Variants in COL4A2 observed in about 807,000 individuals in gnomAD.
The protein encoded by COL4A2 is collagen type IV alpha 2 chain.
A neutral mutation model predicts 200.2 loss-of-function variants in COL4A2; 99 were observed. That is an observed-to-expected ratio of 0.49 (90% CI 0.42 to 0.58). The LOEUF (loss-of-function observed/expected upper bound fraction) is 0.58, where lower values mean the gene tolerates loss of function less well. Ranked by LOEUF, COL4A2 falls within the 20% of genes least tolerant of loss-of-function variation. COL4A2 has a pLI of 0.00. For synonymous variants in COL4A2, 897 were observed against 900.6 expected (o/e 1.00, Z 0.07); for missense variants, 1,950 against 2,314.1 (o/e 0.84, Z 3.23).
intron 4 of COL4A2, among the ~76,000 whole-genome samples, chr13:110,403,030 C>T (rs910454695): frequency 3.9e-5 from 6 of 152,186 alleles, no homozygotes; most frequent in South Asian, 4.1e-4. Flanking sequence ...ATTGTTCTGG[C>T]CCCAGGGTCC....
intron 47 of COL4A2, among the ~76,000 whole-genome samples, chr13:110,510,194 C>G (rs530930062): frequency 3.9e-5 from 6 of 152,342 alleles, no homozygotes; most frequent in South Asian, 2.1e-4. Flanking sequence ...CCTGGCTCAC[C>G]CTTCTTTTGT....
intron 3 of COL4A2, among the ~76,000 whole-genome samples, chr13:110,318,157 T>C (rs2139348103): frequency 6.6e-6 from 1 of 152,268 alleles, no homozygotes; most frequent in Non-Finnish European, 1.5e-5. Flanking sequence ...GAAAACTATG[T>C]CCCAGGGTCT....
chr13:110,480,417 C>G, intron 31 of COL4A2, 27 bp downstream of exon 31: 2 of 1,592,834 alleles, frequency 1.3e-6, no homozygotes, highest in Non-Finnish European at 1.7e-6. Context: ...GACCAGGGAT[C>G]CCTTGGCGGG....
intron 4 of COL4A2, among the ~76,000 whole-genome samples, chr13:110,409,237 C>G (rs1224987603): frequency 6.6e-6 from 1 of 152,176 alleles, no homozygotes; most frequent in Non-Finnish European, 1.5e-5. Context: ...AAAAATCTCA[C>G]AAGAACATCA....
Position 110,478,162 on chromosome 13 carries a change from A to T in COL4A2, c.2585A>T (p.Glu862Val), listed in dbSNP as rs781440001. Residue 862 changes from glutamate to valine, a missense_variant and splice_region_variant, in exon 30 of 48, where the codon GAA becomes GTA. Physicochemically the swap from Glu to Val is moderately radical, Grantham distance 121 (BLOSUM62 -2). Coordinates refer to ENST00000360467, the MANE Select transcript of COL4A2 (RefSeq NM_001846.4). ...GGGCTGCCAGGAATCCCAGGCCGTG[A>T]AGGTAAGACCCCAGCCCTCCCATAA... ...PLGLPGIPGREGLPGDRGDPG... is the reference protein window; with the variant it reads ...PLGLPGIPGRVGLPGDRGDPG... 2.5e-6 allele frequency: 4 copies of T among 1,589,102 alleles called. No individual in the cohort carries two copies. Among genetic ancestry groups the T allele is most frequent in the Non-Finnish European group, 2.6e-6 (3 of 1,167,456 alleles).
At chr13:110,420,813 G>A (rs1335609959) in intron 4 of COL4A2, among the ~76,000 whole-genome samples, 1 of 152,312 alleles carries the variant, frequency 6.6e-6, no homozygotes, top group East Asian at 1.9e-4. Flanking sequence ...GCTCCATCCT[G>A]ATGACCAAAG....
At chr13:110,463,570 A>G (rs1430874061) in intron 24 of COL4A2, among the ~76,000 whole-genome samples, 1 of 152,164 alleles carries the variant, frequency 6.6e-6, no homozygotes, top group Admixed American at 6.5e-5. Context: ...TCATGTCTGT[A>G]ATAACACTCT....
intron 3 of COL4A2, among the ~76,000 whole-genome samples, chr13:110,327,701 T>A (rs1194688921): frequency 6.6e-6 from 1 of 152,162 alleles, no homozygotes; most frequent in African/African-American, 2.4e-5. Flanking sequence ...CAGTGAAGCA[T>A]TAAAATCCCC....
intron 4 of COL4A2, among the ~76,000 whole-genome samples, chr13:110,367,960 C>T (rs1034898666): frequency 1.3e-5 from 2 of 152,202 alleles, no homozygotes; most frequent in African/African-American, 2.4e-5. Context: ...ATTGAATAAG[C>T]AGTCCAGAAA....
chr13:110,474,901 C>T (rs1297737610), intron 29 of COL4A2, among the ~76,000 whole-genome samples: 16 of 57,720 alleles, frequency 2.8e-4, no homozygotes, highest in East Asian at 5.3e-4. Context: ...TGCCTATGCA[C>T]ACTCACGATC....
rs922722829 is a variant in COL4A2 at position 110,430,714 on chromosome 13, A to G, written c.648+107A>G. On this transcript the variant is annotated intron_variant, in intron 10 of 47. Transcript: ENST00000360467. ...CCAGATGAGAGCTTTAAGAACAACT[A>G]TGATGCTTATAGGCGTAGCAGAGAA... 2.1e-6 allele frequency: 3 copies of G among 1,419,924 alleles called. No homozygotes were observed. The South Asian group carries it at 3.5e-5, about 16-fold the overall frequency. The allele number at this position is 1,419,924 out of a possible 1,614,324, so 88.0% of individuals were successfully genotyped here.
chr13:110,493,060 AACGATGAGTGACACCCCCATG>A, intron 38 of COL4A2, 130 bp from the exon 39 acceptor site: 2 of 875,136 alleles, frequency 2.3e-6, no homozygotes, highest in Non-Finnish European at 3.5e-6. Flanking sequence ...CAGGTGAAAT[AACGATGAGTGACACCCCCATG>A]GGTGAAATAA....
chr13:110,453,043 G>C (rs184600038), intron 20 of COL4A2, among the ~76,000 whole-genome samples: 365 of 152,210 alleles, frequency 2.4e-3, no homozygotes, highest in Non-Finnish European at 3.8e-3. Context: ...TGGGATTACA[G>C]GTATGAATCA....
intron 22 of COL4A2, among the ~76,000 whole-genome samples, chr13:110,461,428 C>G (rs1050092608): frequency 6.6e-6 from 1 of 152,272 alleles, no homozygotes; most frequent in African/African-American, 2.4e-5. Context: ...CACCATTGGG[C>G]AGAGCCCAGG....
chr13:110,337,078 G>T (rs1333373693), intron 3 of COL4A2, among the ~76,000 whole-genome samples: 1 of 152,200 alleles, frequency 6.6e-6, no homozygotes, highest in African/African-American at 2.4e-5. Flanking sequence ...AACAGACTGC[G>T]TTTATCTATG....
Position 110,457,443 on chromosome 13 carries a change from C to T in COL4A2, c.1432+8C>T. 1.3e-6 allele frequency: 2 copies of T among 1,538,190 alleles called. No homozygotes were observed. The highest frequency in any genetic ancestry group is 1.8e-6 in the Non-Finnish European group (2 of 1,110,814). On this transcript the variant is annotated splice_region_variant and intron_variant, in intron 21 of 47. Transcript: ENST00000360467. ...GACCAAAGGGGTGGAAAGGTAAGAA[C>T]ATCTGGGAGGGACGGGATGAGGACA...
rs762520174 is a variant in COL4A2, at chr13:110,511,921, CCT to C, written c.4882-8_4882-7del. On this transcript the variant is annotated splice_polypyrimidine_tract_variant and intron_variant, in intron 47 of 47. Coordinates refer to ENST00000360467, the MANE Select transcript of COL4A2 (RefSeq NM_001846.4). The stretch of plus-strand genomic sequence containing the variant: ...GTGATTCCTAACCCTGTCCTGCCCC[CCT>C]CTCTGTGCAGCACACGGCGGCGGGA... 9 of 1,613,356 alleles carry C rather than the reference CCT, an allele frequency of 5.6e-6. No homozygotes were observed. Among genetic ancestry groups the C allele is most frequent in the Non-Finnish European group, 5.9e-6 (7 of 1,180,000 alleles).
Position 110,462,292 on chromosome 13 carries a change from C to T in COL4A2, c.1684C>T (p.Pro562Ser). 6.2e-7 allele frequency: 1 copy of T among 1,614,230 alleles called. No individual in the cohort carries two copies. The highest frequency in any genetic ancestry group is 8.5e-7 in the Non-Finnish European group (1 of 1,180,040). ...TCCCTTTCTAGGTGAGCGGGGACAG[C>T]CCGGCGTCCCAGGTGTGCCCGGGAT... Reference protein sequence around the residue: ...TITTKGERGQPGVPGVPGMKG... With the variant: ...TITTKGERGQSGVPGVPGMKG... Residue 562 changes from proline (P) to serine (S), a missense_variant, in exon 24 of 48, where the codon CCC becomes TCC. Physicochemically the swap from Pro to Ser is moderately conservative, Grantham distance 74. Coordinates refer to ENST00000360467, the MANE Select transcript of COL4A2 (RefSeq NM_001846.4).
intron 31 of COL4A2, among the ~76,000 whole-genome samples, chr13:110,481,772 A>G (rs61970303): frequency 0.28 from 740 of 2,638 alleles, 268 homozygotes; most frequent in East Asian, 0.76. Context: ...CTGTCCCTCC[A>G]TTGCTGGAGA....
Sources: gnomAD v4.1 joint callset for allele counts (sites outside exome capture counted in the v4.1 genomes callset) on GRCh38, gnomAD v4.1.1 for gene constraint, MANE v1.5 for transcripts, NCBI Gene and HGNC (gene_info 2026-07-23, HGNC 2026-07-21) for gene names.